IL17RA: variants seen among roughly 807,000 people sequenced by gnomAD.
The protein encoded by IL17RA is interleukin-17 receptor A.
In IL17RA, 34 loss-of-function variants were observed where a neutral mutation model predicts 50.4. That is an observed-to-expected ratio of 0.67 (90% CI 0.51 to 0.90). IL17RA has a LOEUF of 0.90. Among genes scored for constraint, IL17RA ranks in the 40% least tolerant of loss-of-function variants. IL17RA has a pLI of 0.00. For missense variants in IL17RA, 1,276 were observed against 1,169.8 expected (o/e 1.09, Z -1.32); for synonymous variants, 585 against 510.4 (o/e 1.15, Z -1.97).
chr22:17,089,076 G>A (rs1408518085), intron 1 of IL17RA, among the ~76,000 whole-genome samples: 6 of 152,130 alleles, frequency 3.9e-5, no homozygotes, highest in Non-Finnish European at 7.4e-5. Context: ...GATTACAAGC[G>A]TGAGCCAATG....
rs1169409028 is a variant in IL17RA, at chr22:17,098,869, G to A, written c.405G>A (p.Leu135=). The change falls in exon 4 of 13, where the codon CTG becomes CTA. Residue 135 remains leucine, a synonymous_variant. Transcript: ENST00000319363. Reference sequence around the variant, plus strand: ...TCAGGTTTGAGTTTCTGTCCAAACTGAGGCATCACCACAGGCGGGTAAGAA... The same window carrying A: ...TCAGGTTTGAGTTTCTGTCCAAACTAAGGCATCACCACAGGCGGGTAAGAA... ...LCVRFEFLSK[L]RHHHRRWRFT... 8.1e-6 allele frequency: 13 copies of A among 1,614,022 alleles called. No individual in the cohort carries two copies. The highest frequency in any genetic ancestry group is 4.0e-5 in the African/African-American group (3 of 74,922).
chr22:17,088,589 G>T lies in IL17RA; in HGVS notation c.138+3360G>T, dbSNP rs187676797. ...CAACATCCACCTCCCAGGTTTGAGCGATTCTTCTGCCTCAGCCTCCCAAGT... is the reference window on the plus strand; with the variant it reads ...CAACATCCACCTCCCAGGTTTGAGCTATTCTTCTGCCTCAGCCTCCCAAGT... On this transcript the variant is annotated intron_variant, in intron 1 of 12. Transcript: ENST00000319363. Among the ~76,000 whole-genome samples, 812 of 152,060 alleles carry T rather than the reference G, an allele frequency of 5.3e-3. 1 individual carries two copies. Among genetic ancestry groups the T allele is most frequent in the South Asian group, 0.01 (50 of 4,810 alleles).
Position 17,110,027 on chromosome 22 carries a change from CCA to C in IL17RA, c.*212_*213del. 1 of 601,044 alleles carries C rather than the reference CCA, an allele frequency of 1.7e-6. No individual in the cohort carries two copies. The highest frequency in any genetic ancestry group is 2.9e-6 in the Non-Finnish European group (1 of 341,462). 37.2% of individuals were successfully genotyped at this position (601,044 alleles called of 1,614,324 possible). A position where few individuals can be genotyped will look rare whatever the true frequency, so the allele number is the denominator to read the frequency against. On this transcript the variant is annotated 3_prime_UTR_variant, in exon 13 of 13. Coordinates refer to ENST00000319363, the MANE Select transcript of IL17RA (RefSeq NM_014339.7). ...GGTTATCGTCTATCCCCAGGGGAATCCACACAGCCCGCTCCCAGGAGCTAATG... is the reference window on the plus strand; with the variant it reads ...GGTTATCGTCTATCCCCAGGGGAATCCACAGCCCGCTCCCAGGAGCTAATG...
At chr22:17,094,306 G>A (rs1346890979) in intron 1 of IL17RA, among the ~76,000 whole-genome samples, 1 of 151,994 alleles carries the variant, frequency 6.6e-6, no homozygotes, top group African/African-American at 2.4e-5. Flanking sequence ...CTTTACAGGA[G>A]CTATGCTGCT....
In IL17RA at chr22:17,114,235, C is replaced by T. The variant is rs1315996686; in HGVS notation, c.*4415C>T. ...CGACGCTTTCCCCACGGGGCCTCCC[C>T]TCACTCTGAAATGGCATCCAGGTCC... On this transcript the variant is annotated 3_prime_UTR_variant, in exon 13 of 13. Transcript: ENST00000319363. 2 of 152,450 alleles carry T rather than the reference C, an allele frequency of 1.3e-5. No homozygotes were observed. Among genetic ancestry groups the T allele is most frequent in the Non-Finnish European group, 2.9e-5 (2 of 68,198 alleles). The allele number at this position is 152,450 out of a possible 1,614,324, so 9.4% of individuals were successfully genotyped here.
intron 11 of IL17RA, among the ~76,000 whole-genome samples, chr22:17,106,356 A>T (rs926678297): frequency 6.6e-5 from 10 of 152,158 alleles, no homozygotes; most frequent in Admixed American, 4.6e-4. Flanking sequence ...GTGATAGAGA[A>T]GGCTCCGGCT....
chr22:17,101,836 C>A (rs2061392470), intron 5 of IL17RA, among the ~76,000 whole-genome samples, 160 bp from the exon 6 acceptor site: 1 of 152,110 alleles, frequency 6.6e-6, no homozygotes, highest in Non-Finnish European at 1.5e-5. Flanking sequence ...AGGCTGGCAC[C>A]CATGCCAAGG....
In IL17RA at chr22:17,109,346, G is replaced by T. The variant is rs781384752; in HGVS notation, c.2127G>T (p.Pro709=). The part of the protein sequence containing the change: ...EGEACPLLGS[P]GAGRNSVLFL... ...AGGCCTGCCCGCTGCTGGGCAGCCCGGGCGCTGGGCGAAATAGCGTCCTCT... is the reference window on the plus strand; with the variant it reads ...AGGCCTGCCCGCTGCTGGGCAGCCCTGGCGCTGGGCGAAATAGCGTCCTCT... Residue 709 remains proline (P), a synonymous_variant, in exon 13 of 13, where the codon CCG becomes CCT. Transcript: ENST00000319363. The T allele has an allele frequency of 1.3e-6, 2 of 1,588,104 alleles. No individual in the cohort carries two copies. The highest frequency in any genetic ancestry group is 2.3e-5 in the East Asian group (1 of 43,896).
rs1036259546 is a variant in IL17RA, at chr22:17,110,147, A to AT, written c.*328dup. The AT allele has an allele frequency of 2.1e-5, 8 of 385,636 alleles. No individual in the cohort carries two copies. Among genetic ancestry groups the AT allele is most frequent in the African/African-American group, 1.7e-4 (8 of 48,170 alleles). The allele number at this position is 385,636 out of a possible 1,614,324, so 23.9% of individuals were successfully genotyped here. A position where few individuals can be genotyped will look rare whatever the true frequency, so the allele number is the denominator to read the frequency against. ...CATTTGGGATACCAAGATAAATTGC[A>AT]TGCGGCATGGCCCCAGCCATGAAGG... On this transcript the variant is annotated 3_prime_UTR_variant, in exon 13 of 13. Coordinates refer to ENST00000319363, the MANE Select transcript of IL17RA (RefSeq NM_014339.7).
rs1267499698 is a variant in IL17RA, at chr22:17,085,085, C to T, written c.-7C>T. The T allele has an allele frequency of 3.4e-5, 45 of 1,317,598 alleles. No individual in the cohort carries two copies. Among genetic ancestry groups the T allele is most frequent in the Non-Finnish European group, 4.3e-5 (44 of 1,034,566 alleles). The allele number at this position is 1,317,598 out of a possible 1,614,324, so 81.6% of individuals were successfully genotyped here. A position where few individuals can be genotyped will look rare whatever the true frequency, so the allele number is the denominator to read the frequency against. On this transcript the variant is annotated 5_prime_UTR_variant, in exon 1 of 13. Coordinates refer to ENST00000319363, the MANE Select transcript of IL17RA (RefSeq NM_014339.7). Reference sequence around the variant, plus strand: ...GGGGCCGAGCCCTCCGCGACGCCAGCCGGGCCATGGGGGCCGCACGCAGCC... The same window carrying T: ...GGGGCCGAGCCCTCCGCGACGCCAGTCGGGCCATGGGGGCCGCACGCAGCC...
Position 17,113,102 on chromosome 22 carries a change from T to G in IL17RA, c.*3282T>G, listed in dbSNP as rs745336138. On this transcript the variant is annotated 3_prime_UTR_variant, in exon 13 of 13. Coordinates refer to ENST00000319363, the MANE Select transcript of IL17RA (RefSeq NM_014339.7). ...TGTTTAGGGTCTAAAAAGGGTGGTG[T>G]TCGGTCTCTGAAACATCCATTCAGC... 10 of 152,048 alleles carry G rather than the reference T, an allele frequency of 6.6e-5. No homozygotes were observed. Among genetic ancestry groups the G allele is most frequent in the Non-Finnish European group, 1.3e-4 (9 of 68,018 alleles). 9.4% of individuals were successfully genotyped at this position (152,048 alleles called of 1,614,324 possible). A position where few individuals can be genotyped will look rare whatever the true frequency, so the allele number is the denominator to read the frequency against.
At chr22:17,098,002 C>T in intron 3 of IL17RA, 59 bp downstream of exon 3, 2 of 1,603,570 alleles carry the variant, frequency 1.2e-6, no homozygotes, top group South Asian at 2.2e-5. Flanking sequence ...GTGGCTCTCC[C>T]AGTCAGGCTC....
At position 17,100,141 on chromosome 22, in the gene IL17RA, T is replaced by TAA. The variant is rs35718705; in HGVS notation, c.424-195_424-194dup. ...CTACTGATGAGGCCAGATCCAGGTT[T>TAA]AAAAAAAAAAAAAAAAAAAACAGGC... is the stretch of plus-strand genomic sequence containing the variant. On this transcript the variant is annotated intron_variant, in intron 4 of 12. Coordinates refer to ENST00000319363, the MANE Select transcript of IL17RA (RefSeq NM_014339.7). Among the ~76,000 whole-genome samples, 510 of 121,520 alleles carry TAA rather than the reference T, an allele frequency of 4.2e-3. 3 individuals carry two copies. The highest frequency in any genetic ancestry group is 0.013 in the African/African-American group (472 of 35,438). The allele number at this position is 121,520 out of a possible 152,430, so 79.7% of individuals were successfully genotyped here.
chr22:17,088,791 T>TTTTTTA (rs943495669), intron 1 of IL17RA, among the ~76,000 whole-genome samples: 1 of 149,986 alleles, frequency 6.7e-6, no homozygotes, highest in Non-Finnish European at 1.5e-5. Flanking sequence ...CCTGGCCAAT[T>TTTTTTA]TTTTTATTTT....
At position 17,110,654 on chromosome 22, in the gene IL17RA, C is replaced by G. The variant is rs1276898904; in HGVS notation, c.*834C>G. 6.6e-6 allele frequency: 1 copy of G among 152,098 alleles called. No homozygotes were observed. Among genetic ancestry groups the G allele is most frequent in the Non-Finnish European group, 1.5e-5 (1 of 68,108 alleles). The allele number at this position is 152,098 out of a possible 1,614,324, so 9.4% of individuals were successfully genotyped here. ...GACCAGCCTGGGCGACATAGTGAGACCTCATCTCTACCTAAATTTTTTTTT... is the reference window on the plus strand; with the variant it reads ...GACCAGCCTGGGCGACATAGTGAGAGCTCATCTCTACCTAAATTTTTTTTT... On this transcript the variant is annotated 3_prime_UTR_variant, in exon 13 of 13. Coordinates refer to ENST00000319363, the MANE Select transcript of IL17RA (RefSeq NM_014339.7).
chr22:17,107,087 G>A (rs1174750842), intron 11 of IL17RA, among the ~76,000 whole-genome samples: 3 of 152,218 alleles, frequency 2.0e-5, no homozygotes, highest in Non-Finnish European at 4.4e-5. Flanking sequence ...CCCCCGCAGA[G>A]CAGTTTTTTC....
rs183131600 is a variant in IL17RA at position 17,088,984 on chromosome 22, C to T, written c.138+3755C>T. ...CTAATTTTTGTATTTTTAGTAGAGT[C>T]GGGGTTTCACCATGTTGGCCAGGCT... On this transcript the variant is annotated intron_variant, in intron 1 of 12. Coordinates refer to ENST00000319363, the MANE Select transcript of IL17RA (RefSeq NM_014339.7). Among the ~76,000 whole-genome samples, 96 of 150,326 alleles carry T rather than the reference C, an allele frequency of 6.4e-4. No individual in the cohort carries two copies. In the East Asian group the frequency reaches 0.015, roughly 24 times the overall value.
rs539432634 is a variant in IL17RA at position 17,100,918 on chromosome 22, C to A, written c.550+437C>A. ...TGCATCATCCAACGTTCATCCCATG[C>A]ATGGCGCTCTACTCCCCATGCCTAT... On this transcript the variant is annotated intron_variant, in intron 5 of 12. Transcript: ENST00000319363. 1.6e-3 allele frequency among the ~76,000 whole-genome samples: 238 copies of A among 152,350 alleles called. 3 individuals are homozygous for A. The highest frequency in any genetic ancestry group is 0.012 in the Admixed American group (186 of 15,304).
At position 17,110,497 on chromosome 22, in the gene IL17RA, CAAA is replaced by C. The variant is rs35219112; in HGVS notation, c.*694_*696del. 40 of 115,534 alleles carry C rather than the reference CAAA, an allele frequency of 3.5e-4. No individual in the cohort carries two copies. The highest frequency in any genetic ancestry group is 5.6e-4 in the South Asian group (2 of 3,574). 7.2% of individuals were successfully genotyped at this position (115,534 alleles called of 1,614,324 possible). On this transcript the variant is annotated 3_prime_UTR_variant, in exon 13 of 13. Coordinates refer to ENST00000319363, the MANE Select transcript of IL17RA (RefSeq NM_014339.7). ...TGGATGACAGAGCGAGACTCTATCT[CAAA>C]AAAAAAAAAAAAAAAAGATGGTCAC...
Sources: gnomAD v4.1 joint callset for allele counts (sites outside exome capture counted in the v4.1 genomes callset) on GRCh38, gnomAD v4.1.1 for gene constraint, MANE v1.5 for transcripts, NCBI Gene and HGNC (gene_info 2026-07-23, HGNC 2026-07-21) for gene names.